TMTC2: variants seen among roughly 807,000 people sequenced by gnomAD.
TMTC2 encodes protein O-mannosyl-transferase TMTC2.
TMTC2 carries 43 observed loss-of-function variants against 82.4 expected under a neutral mutation model. The observed-to-expected ratio is 0.52, with a 90% CI of 0.41 to 0.67. The LOEUF is 0.67. TMTC2 is among the 30% of genes least tolerant of loss of function. The pLI is 0.00. For synonymous variants in TMTC2, 408 were observed against 381.9 expected (o/e 1.07, Z -0.80); for missense variants, 919 against 1,012.4 (o/e 0.91, Z 1.25).
intron 1 of TMTC2, among the ~76,000 whole-genome samples, chr12:82,812,077 C>G (rs1364321823): frequency 6.6e-6 from 1 of 152,066 alleles, no homozygotes. Flanking sequence ...CTCGGCCTCC[C>G]AAGGTGCTGG....
Position 83,061,824 on chromosome 12 carries a change from G to T in TMTC2, c.2324G>T (p.Arg775Met), listed in dbSNP as rs544966143. The change falls in exon 11 of 12, where the codon AGG becomes ATG. Residue 775 changes from arginine to methionine, a missense_variant. Transcript: ENST00000321196. ...TATTATGATCTGGCAGCCAGGCTGA[G>T]GCCTAATGTAAGTACTTCCCTAATG... The part of the protein sequence containing the change: ...EKYYDLAARL[R>M]PNYPAALMNL... The T allele has an allele frequency of 1.1e-5, 17 of 1,595,408 alleles. No individual in the cohort carries two copies. In the South Asian group the frequency reaches 2.0e-4, roughly 19 times the overall value.
chr12:83,036,128 A>AT (rs1881652833), intron 9 of TMTC2, among the ~76,000 whole-genome samples: 1 of 152,084 alleles, frequency 6.6e-6, no homozygotes, highest in Non-Finnish European at 1.5e-5. Flanking sequence ...TGGTGACATA[A>AT]TTCATTTCCA....
chr12:82,982,188 C>A (rs768147714), intron 7 of TMTC2, among the ~76,000 whole-genome samples: 1 of 151,652 alleles, frequency 6.6e-6, no homozygotes, highest in Non-Finnish European at 1.5e-5. Flanking sequence ...CAGCTTGATG[C>A]GATGGGAAGC....
intron 1 of TMTC2, among the ~76,000 whole-genome samples, chr12:82,815,623 C>T (rs1197876677): frequency 2.0e-5 from 3 of 151,952 alleles, no homozygotes; most frequent in Admixed American, 1.3e-4. Context: ...TTGGCATCTG[C>T]TCTACTGAAG....
At chr12:83,107,129 G>A (rs750521486) in intron 11 of TMTC2, among the ~76,000 whole-genome samples, 1 of 152,186 alleles carries the variant, frequency 6.6e-6, no homozygotes, top group Non-Finnish European at 1.5e-5. Context: ...CTTTTTCTCT[G>A]AGCATGTGGG....
At chr12:82,792,976 C>T (rs911365546) in intron 1 of TMTC2, among the ~76,000 whole-genome samples, 1 of 152,086 alleles carries the variant, frequency 6.6e-6, no homozygotes, top group East Asian at 1.9e-4. Flanking sequence ...GAAATTAATA[C>T]ATGTTGTCCA....
At chr12:83,115,009 A>AT (rs1255522119) in intron 11 of TMTC2, among the ~76,000 whole-genome samples, 2 of 152,118 alleles carry the variant, frequency 1.3e-5, no homozygotes, top group African/African-American at 4.8e-5. Context: ...TTTAAATATT[A>AT]TAAGCGCAAA....
intron 1 of TMTC2, among the ~76,000 whole-genome samples, chr12:82,785,375 A>G (rs1326695399): frequency 3.9e-5 from 1 of 25,670 alleles, no homozygotes; most frequent in East Asian, 1.2e-3. Flanking sequence ...CGTCCCCCCC[A>G]AACACAAAAG....
At chr12:83,067,874 G>A (rs931599324) in intron 11 of TMTC2, among the ~76,000 whole-genome samples, 1 of 151,968 alleles carries the variant, frequency 6.6e-6, no homozygotes, top group South Asian at 2.1e-4. Context: ...TATTCCATGT[G>A]TATTTAGTAT....
chr12:82,921,525 T>C (rs945235302), intron 3 of TMTC2, among the ~76,000 whole-genome samples: 2 of 152,178 alleles, frequency 1.3e-5, no homozygotes, highest in African/African-American at 4.8e-5. Flanking sequence ...ATTCTTTCGC[T>C]CTCTTTAGGC....
At chr12:82,742,442 A>G (rs1467643974) in intron 1 of TMTC2, among the ~76,000 whole-genome samples, 1 of 152,068 alleles carries the variant, frequency 6.6e-6, no homozygotes, top group Non-Finnish European at 1.5e-5. Context: ...TAGTAACTGT[A>G]TAGTGTTCAA....
chr12:82,937,781 T>C (rs1244140099), intron 4 of TMTC2, among the ~76,000 whole-genome samples: 6 of 21,970 alleles, frequency 2.7e-4, no homozygotes, highest in African/African-American at 7.4e-4. Flanking sequence ...TATATATATA[T>C]ATATATATAT....
At chr12:82,990,027 T>A (rs1177782057) in intron 8 of TMTC2, among the ~76,000 whole-genome samples, 2 of 152,190 alleles carry the variant, frequency 1.3e-5, no homozygotes, top group Non-Finnish European at 2.9e-5. Flanking sequence ...TGGGGTTTCT[T>A]GGCCTGGTAA....
chr12:82,701,611 A>T (rs941474174), intron 1 of TMTC2, among the ~76,000 whole-genome samples: 12 of 150,052 alleles, frequency 8.0e-5, no homozygotes, highest in African/African-American at 2.7e-4. Context: ...AAAAAAAAAA[A>T]ATTTCTGGGT....
intron 9 of TMTC2, among the ~76,000 whole-genome samples, chr12:83,047,886 A>G (rs1882201614): frequency 6.6e-6 from 1 of 152,254 alleles, no homozygotes; most frequent in Non-Finnish European, 1.5e-5. Context: ...TTGAACAGCA[A>G]AGATGCATTT....
chr12:82,936,770 C>CT (rs1408681645), intron 4 of TMTC2, among the ~76,000 whole-genome samples: 1 of 152,074 alleles, frequency 6.6e-6, no homozygotes, highest in Non-Finnish European at 1.5e-5. Flanking sequence ...GTAGTAATTA[C>CT]TACATTTAAT....
rs374749671 is a variant in TMTC2 at position 83,066,733 on chromosome 12, A to T, written c.2331+4902A>T. ...GCAATAGATTATTTCAAAAGATCTG[A>T]TTAAGATAATTAGTTGGCCACCATA... On this transcript the variant is annotated intron_variant, in intron 11 of 11. Coordinates refer to ENST00000321196, the MANE Select transcript of TMTC2 (RefSeq NM_152588.3). Among the ~76,000 whole-genome samples the T allele has an allele frequency of 8.5e-5, 13 of 152,120 alleles. No homozygotes were observed. The East Asian group carries it at 2.5e-3, about 29-fold the overall frequency.
intron 1 of TMTC2, among the ~76,000 whole-genome samples, chr12:82,711,750 G>C (rs569503898): frequency 6.6e-6 from 1 of 152,342 alleles, no homozygotes; most frequent in African/African-American, 2.4e-5. Flanking sequence ...AATGTCTGCA[G>C]CAGATAGAAG....
chr12:82,852,059 C>G (rs10862516), intron 1 of TMTC2, among the ~76,000 whole-genome samples: 5,154 of 151,726 alleles, frequency 0.034, 303 homozygotes, highest in African/African-American at 0.12. Flanking sequence ...ATGAACAAAC[C>G]TGGACACAGG....
Sources: gnomAD v4.1 joint callset for allele counts (sites outside exome capture counted in the v4.1 genomes callset) on GRCh38, gnomAD v4.1.1 for gene constraint, MANE v1.5 for transcripts, NCBI Gene and HGNC (gene_info 2026-07-23, HGNC 2026-07-21) for gene names.